Variants in SPATS2L observed in about 807,000 individuals in gnomAD.
SPATS2L encodes the protein SPATS2-like protein.
A neutral mutation model predicts 59.6 loss-of-function variants in SPATS2L; 30 were observed. That is an observed-to-expected ratio of 0.50 (90% confidence interval 0.38 to 0.68). The LOEUF is 0.68. Ranked by LOEUF, SPATS2L falls within the 30% of genes least tolerant of loss-of-function variation. The pLI is 0.00. For synonymous variants in SPATS2L, 252 were observed against 263.5 expected, an observed-to-expected ratio of 0.96 and a Z score of 0.42; for missense variants, 615 against 700.0, an observed-to-expected ratio of 0.88 and a Z score of 1.37.
chr2:200,356,905 C>G (rs1388553722), intron 2 of SPATS2L, among the ~76,000 whole-genome samples: 1 of 152,150 alleles, frequency 6.6e-6, no homozygotes, highest in Middle Eastern at 3.2e-3. Context: ...CAAAGCCACT[C>G]TCCAGATAAC....
intron 1 of SPATS2L, among the ~76,000 whole-genome samples, chr2:200,320,436 A>C (rs2079524945): frequency 1.3e-5 from 2 of 152,250 alleles, no homozygotes; most frequent in Non-Finnish European, 2.9e-5. Flanking sequence ...TATGTAATAC[A>C]TCATTCTATT....
chr2:200,467,168 A>C lies in SPATS2L; in HGVS notation c.848-122A>C, dbSNP rs561885340. The C allele has an allele frequency of 5.5e-5, 39 of 708,956 alleles. No individual in the cohort carries two copies. In the South Asian group the frequency reaches 6.8e-4, roughly 12 times the overall value. The allele number at this position is 708,956 out of a possible 1,614,324, so 43.9% of individuals were successfully genotyped here. On this transcript the variant is annotated intron_variant, in intron 9 of 12. Coordinates refer to ENST00000409140, the MANE Select transcript of SPATS2L (RefSeq NM_001100423.2). ...GAACCCGCCTCCATGACCAACTCAG[A>C]AAACACAGTCGTGGTCCAACAAAGC...
chr2:200,306,170 G>A (rs1038291958), upstream of SPATS2L: 2 of 999,110 alleles, frequency 2.0e-6, no homozygotes, highest in African/African-American at 3.5e-5. Flanking sequence ...GGTCATTTTC[G>A]AATGGGCTAT....
At chr2:200,323,709 G>C (rs1443072828) in intron 1 of SPATS2L, among the ~76,000 whole-genome samples, 1 of 152,106 alleles carries the variant, frequency 6.6e-6, no homozygotes, top group Non-Finnish European at 1.5e-5. Context: ...TTTGATCACA[G>C]TAAAGACCTT....
At chr2:200,450,972 A>G (rs187829164) in intron 8 of SPATS2L, among the ~76,000 whole-genome samples, 1 of 152,302 alleles carries the variant, frequency 6.6e-6, no homozygotes, top group Admixed American at 6.5e-5. Flanking sequence ...AAGAAGCAAC[A>G]CAAAGAACCA....
chr2:200,418,873 G>C (rs2083185462), intron 5 of SPATS2L, among the ~76,000 whole-genome samples: 1 of 152,146 alleles, frequency 6.6e-6, no homozygotes, highest in Admixed American at 6.6e-5. Context: ...ACCACTTTGA[G>C]ATGAGAGCTA....
intron 3 of SPATS2L, among the ~76,000 whole-genome samples, chr2:200,400,905 A>C (rs1471641495): frequency 6.6e-6 from 1 of 152,242 alleles, no homozygotes; most frequent in African/African-American, 2.4e-5. Context: ...ATTATCTTTA[A>C]CTATTTGAAG....
At chr2:200,451,234 T>TC (rs1355084701) in intron 8 of SPATS2L, among the ~76,000 whole-genome samples, 1 of 151,638 alleles carries the variant, frequency 6.6e-6, no homozygotes, top group African/African-American at 2.4e-5. Context: ...GGTGGAAGGA[T>TC]CGCCTGAGCC....
At chr2:200,370,019 G>A (rs2081379626) in intron 2 of SPATS2L, among the ~76,000 whole-genome samples, 1 of 152,204 alleles carries the variant, frequency 6.6e-6, no homozygotes, top group Non-Finnish European at 1.5e-5. Flanking sequence ...CAGCAGTGTA[G>A]TGCTAGGCCC....
chr2:200,312,342 G>C (rs2079219225), intron 1 of SPATS2L, among the ~76,000 whole-genome samples: 1 of 152,202 alleles, frequency 6.6e-6, no homozygotes, highest in Non-Finnish European at 1.5e-5. Flanking sequence ...AGTGCACCTA[G>C]CCGAGTTGAG....
chr2:200,335,724 G>A (rs2080120805), intron 2 of SPATS2L, among the ~76,000 whole-genome samples: 1 of 152,208 alleles, frequency 6.6e-6, no homozygotes, highest in Non-Finnish European at 1.5e-5. Flanking sequence ...AGTGGGATAT[G>A]CACCCCAGGG....
At chr2:200,429,995 A>T (rs533410411) in intron 6 of SPATS2L, among the ~76,000 whole-genome samples, 1 of 152,260 alleles carries the variant, frequency 6.6e-6, no homozygotes, top group South Asian at 2.1e-4. Context: ...TTCCTTGGGG[A>T]ATTCTTTCTT....
At chr2:200,462,773 T>C (rs1483448395) in intron 9 of SPATS2L, among the ~76,000 whole-genome samples, 1 of 151,776 alleles carries the variant, frequency 6.6e-6, no homozygotes, top group Non-Finnish European at 1.5e-5. Flanking sequence ...AAATAAAAAA[T>C]AAATTAGCCA....
intron 2 of SPATS2L, among the ~76,000 whole-genome samples, chr2:200,342,024 A>G (rs893275576): frequency 2.6e-5 from 4 of 152,088 alleles, no homozygotes; most frequent in Admixed American, 6.6e-5. Flanking sequence ...TAATCATATC[A>G]TTGTTTTCCT....
intron 6 of SPATS2L, among the ~76,000 whole-genome samples, chr2:200,420,581 T>C (rs190103107): frequency 1.6e-3 from 248 of 152,314 alleles, no homozygotes; most frequent in African/African-American, 5.7e-3. Context: ...TTTAGGGTAA[T>C]GGGTGTCAGC....
At chr2:200,325,637 C>T (rs1244561972) in intron 1 of SPATS2L, among the ~76,000 whole-genome samples, 1 of 152,136 alleles carries the variant, frequency 6.6e-6, no homozygotes, top group East Asian at 1.9e-4. Flanking sequence ...CCTTAGCCTC[C>T]CAAAGTGCTG....
chr2:200,361,866 C>T (rs2081117362), intron 2 of SPATS2L, among the ~76,000 whole-genome samples: 1 of 152,144 alleles, frequency 6.6e-6, no homozygotes, highest in Admixed American at 6.5e-5. Flanking sequence ...CAGTTTTTTA[C>T]CTGTCCATTA....
chr2:200,472,850 A>G lies in SPATS2L; in HGVS notation c.1079A>G (p.Asn360Ser), dbSNP rs763483659. 17 of 1,613,802 alleles carry G rather than the reference A, an allele frequency of 1.1e-5. No individual in the cohort carries two copies. The South Asian group carries it at 1.8e-4, about 17-fold the overall frequency. Reference sequence around the variant, plus strand: ...ATTGCAGTTACACATCCAAAGAACAACTATTCCTCAAGAACTCCCTGCAGC... The same window carrying G: ...ATTGCAGTTACACATCCAAAGAACAGCTATTCCTCAAGAACTCCCTGCAGC... ...LCGEITHPKN[N>S]YSSRTPCSSL... Residue 360 changes from asparagine (N) to serine (S), a missense_variant, in exon 12 of 13, where the codon AAC becomes AGC. Asn to Ser is a conservative substitution (Grantham distance 46). Transcript: ENST00000409140.
At chr2:200,412,992 G>A (rs944375732) in intron 4 of SPATS2L, among the ~76,000 whole-genome samples, 2 of 152,106 alleles carry the variant, frequency 1.3e-5, no homozygotes, top group African/African-American at 4.8e-5. Context: ...TGAGGCAGAG[G>A]TTGCACTGAG....
Sources: gnomAD v4.1 joint callset for allele counts (sites outside exome capture counted in the v4.1 genomes callset) on GRCh38, gnomAD v4.1.1 for gene constraint, MANE v1.5 for transcripts, NCBI Gene and HGNC (gene_info 2026-07-23, HGNC 2026-07-21) for gene names.